Variants in TAFA2 observed in about 807,000 individuals in gnomAD.
TAFA2 encodes TAFA chemokine like family member 2.
Under a neutral mutation model 18.8 loss-of-function variants are expected in TAFA2, and 7 were observed. The ratio of observed to expected loss-of-function variants is 0.37; its 90% confidence interval spans 0.21 to 0.70. The LOEUF (loss-of-function observed/expected upper bound fraction) is 0.70. TAFA2 is among the 30% of genes least tolerant of loss of function. The probability of loss-of-function intolerance (pLI) is 0.53; values close to 1 mark genes in which losing one functional copy is unlikely to be tolerated. For synonymous variants in TAFA2, 60 were observed against 54.2 expected (o/e 1.11, Z -0.47); for missense variants, 122 against 158.1 (o/e 0.77, Z 1.23).
At chr12:61,964,678 A>C (rs1879008426) in intron 1 of TAFA2, among the ~76,000 whole-genome samples, 1 of 151,762 alleles carries the variant, frequency 6.6e-6, no homozygotes, top group Non-Finnish European at 1.5e-5. Context: ...TCCATTCATT[A>C]AATCAATATT....
intron 1 of TAFA2, among the ~76,000 whole-genome samples, chr12:62,183,374 T>A (rs2062564258): frequency 6.6e-6 from 1 of 152,178 alleles, no homozygotes; most frequent in Non-Finnish European, 1.5e-5. Context: ...TCTGTGGTTT[T>A]GTTTTTGTTT....
intron 1 of TAFA2, among the ~76,000 whole-genome samples, chr12:62,047,238 G>A (rs1276887642): frequency 6.6e-6 from 1 of 152,110 alleles, no homozygotes; most frequent in Non-Finnish European, 1.5e-5. Flanking sequence ...AGAGAAGAAA[G>A]AAGAGCAAAC....
At chr12:61,718,263 A>G (rs1869746672) in intron 4 of TAFA2, among the ~76,000 whole-genome samples, 1 of 152,228 alleles carries the variant, frequency 6.6e-6, no homozygotes, top group Non-Finnish European at 1.5e-5. Context: ...GACTCATGGA[A>G]GTAGATGACT....
chr12:61,752,081 C>T (rs1227540697), intron 4 of TAFA2, among the ~76,000 whole-genome samples: 1 of 151,962 alleles, frequency 6.6e-6, no homozygotes, highest in Non-Finnish European at 1.5e-5. Flanking sequence ...ACCTGGCTTC[C>T]TAATTAATTA....
intron 1 of TAFA2, among the ~76,000 whole-genome samples, chr12:61,946,310 G>T (rs1277948764): frequency 4.0e-5 from 6 of 149,872 alleles, no homozygotes. Context: ...ATCAATTCAA[G>T]ATGGATTAAA....
intron 1 of TAFA2, among the ~76,000 whole-genome samples, chr12:62,204,508 G>A (rs111507115): frequency 4.0e-5 from 6 of 151,802 alleles, no homozygotes; most frequent in Admixed American, 2.0e-4. Flanking sequence ...CATAGTTCTC[G>A]GAGGTTTTGT....
At chr12:61,856,999 T>C (rs368447012) in intron 2 of TAFA2, among the ~76,000 whole-genome samples, 13 of 151,738 alleles carry the variant, frequency 8.6e-5, no homozygotes, top group African/African-American at 3.1e-4. Context: ...TATTTGAGAG[T>C]TAATAATGGT....
At chr12:62,255,150 C>A (rs1461585131) in intron 1 of TAFA2, 2 of 152,124 alleles carry the variant, frequency 1.3e-5, no homozygotes, top group Non-Finnish European at 2.9e-5. Flanking sequence ...AACAAAAGAT[C>A]AGCATATTTT....
intron 2 of TAFA2, among the ~76,000 whole-genome samples, chr12:61,851,912 T>C (rs994512445): frequency 1.4e-5 from 2 of 146,614 alleles, no homozygotes; most frequent in Non-Finnish European, 1.5e-5. Context: ...TCAGGACATT[T>C]TGGATAAAAG....
At chr12:62,089,493 A>G (rs2136831746) in intron 1 of TAFA2, among the ~76,000 whole-genome samples, 1 of 152,098 alleles carries the variant, frequency 6.6e-6, no homozygotes, top group South Asian at 2.1e-4. Flanking sequence ...TTGTCAGTTG[A>G]TAGCCCTAGG....
chr12:62,001,284 G>A (rs967567325), intron 1 of TAFA2, among the ~76,000 whole-genome samples: 2 of 152,108 alleles, frequency 1.3e-5, no homozygotes, highest in Non-Finnish European at 2.9e-5. Context: ...TGTGGAAGAC[G>A]ATTTTTCCAT....
At chr12:61,972,106 T>A (rs1016060771) in intron 1 of TAFA2, among the ~76,000 whole-genome samples, 4 of 151,660 alleles carry the variant, frequency 2.6e-5, no homozygotes, top group African/African-American at 9.7e-5. Flanking sequence ...AGTTTTAAGT[T>A]CAGGGCTACA....
chr12:61,988,982 C>G (rs976659576), intron 1 of TAFA2, among the ~76,000 whole-genome samples: 2 of 152,038 alleles, frequency 1.3e-5, no homozygotes, highest in African/African-American at 2.4e-5. Context: ...TTTGTTTTAC[C>G]AAAAATGAAA....
chr12:61,789,314 T>G (rs1472205243), intron 2 of TAFA2, among the ~76,000 whole-genome samples: 1 of 151,950 alleles, frequency 6.6e-6, no homozygotes, highest in Non-Finnish European at 1.5e-5. Flanking sequence ...TGAGTTAATT[T>G]TTGTATAAGG....
At chr12:61,993,621 C>T (rs1020243231) in intron 1 of TAFA2, among the ~76,000 whole-genome samples, 4 of 152,102 alleles carry the variant, frequency 2.6e-5, no homozygotes, top group Admixed American at 6.6e-5. Flanking sequence ...CATAAGAGCA[C>T]AAAGAGTAGA....
intron 2 of TAFA2, among the ~76,000 whole-genome samples, chr12:61,845,827 G>T (rs1873381616): frequency 6.6e-6 from 1 of 152,034 alleles, no homozygotes; most frequent in South Asian, 2.1e-4. Flanking sequence ...ACAAAATAAG[G>T]TTCTACAAGA....
intron 1 of TAFA2, among the ~76,000 whole-genome samples, chr12:62,078,517 T>C (rs1044121101): frequency 8.5e-5 from 13 of 152,082 alleles, no homozygotes; most frequent in Admixed American, 6.5e-4. Flanking sequence ...AATCTCATTA[T>C]AATACTAAAA....
At chr12:61,909,112 C>T (rs1288018390) in intron 1 of TAFA2, among the ~76,000 whole-genome samples, 1 of 152,164 alleles carries the variant, frequency 6.6e-6, no homozygotes, top group South Asian at 2.1e-4. Context: ...GAGAGAAAGG[C>T]ATCCAGGGCC....
intron 1 of TAFA2, among the ~76,000 whole-genome samples, chr12:62,215,303 T>C (rs1354743809): frequency 6.6e-6 from 1 of 152,166 alleles, no homozygotes; most frequent in African/African-American, 2.4e-5. Flanking sequence ...GTCTTATCTC[T>C]AAATCATTTG....
Sources: allele counts gnomAD v4.1 joint callset (sites outside exome capture counted in the v4.1 genomes callset), GRCh38; gene constraint gnomAD v4.1.1; transcripts MANE v1.5; gene names NCBI Gene and HGNC (gene_info 2026-07-23, HGNC 2026-07-21).